The following CHST8 variants were observed in gnomAD, a reference collection of about 807,000 sequenced individuals.
The protein encoded by CHST8 is carbohydrate sulfotransferase 8.
A neutral mutation model predicts 15.0 loss-of-function variants in CHST8; 10 were observed. That is an observed-to-expected ratio of 0.67 (90% CI 0.41 to 1.13). The LOEUF is 1.13. CHST8 is among the 50% of genes most tolerant of loss of function. CHST8 has a pLI of 0.00. For synonymous variants in CHST8, 259 were observed against 256.6 expected (o/e 1.01, Z -0.09); for missense variants, 634 against 608.2 (o/e 1.04, Z -0.45).
intron 3 of CHST8, among the ~76,000 whole-genome samples, chr19:33,751,438 C>T (rs1245740677): frequency 6.6e-6 from 1 of 152,242 alleles, no homozygotes; most frequent in African/African-American, 2.4e-5. Flanking sequence ...TGCCAGTGAG[C>T]AGGCATAGGT....
intron 3 of CHST8, among the ~76,000 whole-genome samples, chr19:33,746,235 T>A (rs1284820014): frequency 1.3e-5 from 2 of 152,208 alleles, no homozygotes; most frequent in East Asian, 3.8e-4. Context: ...GATTGAGGTG[T>A]AATTTATAAA....
intron 3 of CHST8, among the ~76,000 whole-genome samples, chr19:33,722,812 A>T (rs1973824562): frequency 6.6e-6 from 1 of 152,108 alleles, no homozygotes; most frequent in Non-Finnish European, 1.5e-5. Flanking sequence ...CCCTGCTTTG[A>T]TGTTCTCCAG....
chr19:33,762,116 A>G (rs148758566), intron 3 of CHST8, among the ~76,000 whole-genome samples: 3,162 of 152,330 alleles, frequency 0.021, 53 homozygotes, highest in Non-Finnish European at 0.027. Flanking sequence ...GCACATGTGT[A>G]AGGGGTGATG....
chr19:33,727,908 G>T (rs760336400), intron 3 of CHST8, among the ~76,000 whole-genome samples: 25 of 152,310 alleles, frequency 1.6e-4, no homozygotes, highest in South Asian at 1.4e-3. Flanking sequence ...CGGCTGGGCT[G>T]TGCCTTCTGT....
chr19:33,663,656 A>G (rs898654779), intron 1 of CHST8, among the ~76,000 whole-genome samples: 2 of 152,204 alleles, frequency 1.3e-5, no homozygotes, highest in African/African-American at 2.4e-5. Flanking sequence ...GGATCACTTG[A>G]GGCCAGGAGT....
chr19:33,744,787 C>T (rs1270134437), intron 3 of CHST8, among the ~76,000 whole-genome samples: 4 of 152,082 alleles, frequency 2.6e-5, no homozygotes, highest in African/African-American at 9.7e-5. Context: ...CTTGCTCTGT[C>T]GCCCAGGCTA....
chr19:33,636,092 T>TAAAA (rs4012941), intron 1 of CHST8, among the ~76,000 whole-genome samples: 16 of 139,644 alleles, frequency 1.1e-4, no homozygotes, highest in Middle Eastern at 3.9e-3. Flanking sequence ...TTATCAAAGT[T>TAAAA]AAAAAAAAAA....
At chr19:33,734,178 A>G (rs1379164956) in intron 3 of CHST8, among the ~76,000 whole-genome samples, 1 of 152,188 alleles carries the variant, frequency 6.6e-6, no homozygotes, top group Non-Finnish European at 1.5e-5. Flanking sequence ...ACCAATGGCC[A>G]TGGGAGTGAC....
intron 1 of CHST8, among the ~76,000 whole-genome samples, chr19:33,628,660 C>T (rs139931156): frequency 6.6e-6 from 1 of 152,336 alleles, no homozygotes; most frequent in East Asian, 1.9e-4. Context: ...GGCACTGTAA[C>T]ACTGGTTGAG....
chr19:33,680,841 A>C (rs945342485), intron 2 of CHST8, among the ~76,000 whole-genome samples: 1 of 152,214 alleles, frequency 6.6e-6, no homozygotes, highest in African/African-American at 2.4e-5. Flanking sequence ...TCCATTCTGC[A>C]TGAGCTGAAA....
At chr19:33,732,753 C>T (rs946055279) in intron 3 of CHST8, among the ~76,000 whole-genome samples, 1 of 152,070 alleles carries the variant, frequency 6.6e-6, no homozygotes, top group Non-Finnish European at 1.5e-5. Flanking sequence ...AGGGCAACGC[C>T]AGACCCTCGG....
At chr19:33,759,393 G>A (rs947809728) in intron 3 of CHST8, among the ~76,000 whole-genome samples, 6 of 152,338 alleles carry the variant, frequency 3.9e-5, no homozygotes, top group Middle Eastern at 6.8e-3. Context: ...GTTGACATCC[G>A]TCCCATTTAA....
intron 1 of CHST8, among the ~76,000 whole-genome samples, chr19:33,639,474 T>C (rs866618303): frequency 6.6e-6 from 1 of 152,164 alleles, no homozygotes; most frequent in African/African-American, 2.4e-5. Context: ...CATTGCCTGA[T>C]GCACGCAGCA....
At chr19:33,743,306 T>TC (rs1241653519) in intron 3 of CHST8, among the ~76,000 whole-genome samples, 2 of 147,136 alleles carry the variant, frequency 1.4e-5, no homozygotes, top group Non-Finnish European at 3.0e-5. Flanking sequence ...CTTTTTTTTT[T>TC]TTTTTTTTTT....
At chr19:33,696,210 G>A (rs141720876) in intron 3 of CHST8, among the ~76,000 whole-genome samples, 128 of 152,324 alleles carry the variant, frequency 8.4e-4, no homozygotes, top group Non-Finnish European at 1.5e-3. Context: ...GCTGCAATAA[G>A]TATGCATGAG....
intron 2 of CHST8, among the ~76,000 whole-genome samples, chr19:33,678,467 A>G (rs940037118): frequency 3.9e-5 from 6 of 152,242 alleles, no homozygotes; most frequent in Admixed American, 3.3e-4. Context: ...AGAGGTCAAG[A>G]CTGTGAGGGT....
chr19:33,725,663 C>G (rs1384939707), intron 3 of CHST8, among the ~76,000 whole-genome samples: 1 of 152,244 alleles, frequency 6.6e-6, no homozygotes, highest in Non-Finnish European at 1.5e-5. Context: ...TGGTCCTCAC[C>G]ACTGGGACTC....
At chr19:33,658,652 T>C (rs1972543603) in intron 1 of CHST8, among the ~76,000 whole-genome samples, 1 of 152,242 alleles carries the variant, frequency 6.6e-6, no homozygotes, top group Admixed American at 6.5e-5. Context: ...GTTCTAACTG[T>C]TGGTAAGTCT....
At chr19:33,624,383 A>T (rs953153176) in intron 1 of CHST8, among the ~76,000 whole-genome samples, 2 of 152,162 alleles carry the variant, frequency 1.3e-5, no homozygotes, top group African/African-American at 4.8e-5. Context: ...ACGACAGAGG[A>T]TGCTTTGTAA....
Sources: allele counts gnomAD v4.1 joint callset (sites outside exome capture counted in the v4.1 genomes callset), GRCh38; gene constraint gnomAD v4.1.1; transcripts MANE v1.5; gene names NCBI Gene and HGNC (gene_info 2026-07-23, HGNC 2026-07-21).